The following CUX2 variants were observed in gnomAD, a reference collection of about 807,000 sequenced individuals.
CUX2 encodes the protein cut like homeobox 2.
In CUX2, 40 loss-of-function variants were observed where a neutral mutation model predicts 144.8. That is an observed-to-expected ratio of 0.28 (90% confidence interval 0.21 to 0.36). The LOEUF is 0.36. Ranked by LOEUF, CUX2 falls within the 10% of genes least tolerant of loss-of-function variation. The probability of loss-of-function intolerance (pLI) is 1.00; values close to 1 mark genes in which losing one functional copy is unlikely to be tolerated. For synonymous variants in CUX2, 827 were observed against 875.6 expected, an observed-to-expected ratio of 0.94 and a Z score of 0.98; for missense variants, 1,615 against 1,994.0, an observed-to-expected ratio of 0.81 and a Z score of 3.62.
At chr12:111,062,106 G>A (rs890961527) in intron 1 of CUX2, among the ~76,000 whole-genome samples, 1 of 152,196 alleles carries the variant, frequency 6.6e-6, no homozygotes. Flanking sequence ...TATAGCCGCC[G>A]GCGGGTCTGC....
chr12:111,272,976 G>T (rs1047297031), intron 4 of CUX2, among the ~76,000 whole-genome samples: 3 of 152,188 alleles, frequency 2.0e-5, no homozygotes, highest in Non-Finnish European at 4.4e-5. Flanking sequence ...TTTCAGAAGG[G>T]AGGACAGGCA....
rs1346212478 is a variant in CUX2 at position 111,322,031 on chromosome 12, T to C, written c.2767-390T>C. On this transcript the variant is annotated intron_variant, in intron 17 of 21. Coordinates refer to ENST00000261726, the MANE Select transcript of CUX2 (RefSeq NM_015267.4). The surrounding 1 kb of genome is among the most constrained non-coding windows in gnomAD (Gnocchi z 4.2). ...CTCCAACAGAGGGGAGGGGAGGGGA[T>C]GGGAGGCTGGGCATGGTGGCTCACA... Among the ~76,000 whole-genome samples, 5 of 151,292 alleles carry C rather than the reference T, an allele frequency of 3.3e-5. No individual in the cohort carries two copies. Among genetic ancestry groups the C allele is most frequent in the African/African-American group, 1.2e-4 (5 of 41,168 alleles).
At chr12:111,330,686 CATATATATATATATAT>C (rs57018141) in intron 18 of CUX2, among the ~76,000 whole-genome samples, 127 of 59,290 alleles carry the variant, frequency 2.1e-3, no homozygotes, top group Non-Finnish European at 3.2e-3. Flanking sequence ...AATACATATA[CATATATATATATATAT>C]ATATATATAT....
intron 1 of CUX2, among the ~76,000 whole-genome samples, chr12:111,108,714 C>T (rs1324326363): frequency 8.3e-6 from 1 of 120,044 alleles, no homozygotes; most frequent in Non-Finnish European, 1.5e-5. Context: ...CTTTGCCCCA[C>T]TCTCCTCGCC....
At chr12:111,182,401 G>T (rs1029649883) in intron 1 of CUX2, among the ~76,000 whole-genome samples, 2 of 152,242 alleles carry the variant, frequency 1.3e-5, no homozygotes, top group Admixed American at 6.5e-5. Context: ...CCGGCGGCCA[G>T]CATCCTGGCG....
In CUX2 at chr12:111,222,941, C is replaced by A. The variant is rs868707423; in HGVS notation, c.222+5004C>A. ...ACCTCAACAAGCATTTATTGAATAG[C>A]TGCTGCATACTAGGCAGGGTTCCAG... On this transcript the variant is annotated intron_variant, in intron 3 of 21. Transcript: ENST00000261726. Among the ~76,000 whole-genome samples, 6 of 152,310 alleles carry A rather than the reference C, an allele frequency of 3.9e-5. No individual in the cohort carries two copies. The South Asian group carries it at 1.0e-3, about 26-fold the overall frequency.
chr12:111,330,704 T>TACACAC (rs1342369428), intron 18 of CUX2, among the ~76,000 whole-genome samples: 7 of 18,316 alleles, frequency 3.8e-4, no homozygotes, highest in African/African-American at 1.5e-3. Flanking sequence ...TATATATATA[T>TACACAC]ATATATATAT....
intron 3 of CUX2, among the ~76,000 whole-genome samples, chr12:111,227,478 G>A (rs755884529): frequency 2.0e-5 from 3 of 152,160 alleles, no homozygotes; most frequent in Non-Finnish European, 4.4e-5. Context: ...GAGTAAAGAG[G>A]ATCGTGGTGA....
intron 1 of CUX2, among the ~76,000 whole-genome samples, chr12:111,157,485 A>G (rs1877470183): frequency 6.6e-6 from 1 of 152,152 alleles, no homozygotes; most frequent in Admixed American, 6.5e-5. Context: ...GCTTTAAAAA[A>G]AAAATCACTC....
At chr12:111,125,180 ATTTT>A (rs113174761) in intron 1 of CUX2, among the ~76,000 whole-genome samples, 18 of 141,276 alleles carry the variant, frequency 1.3e-4, no homozygotes, top group African/African-American at 3.7e-4. Flanking sequence ...CTATTCTGGA[ATTTT>A]TTTTTTTTTT....
chr12:111,076,450 G>A (rs1384304028), intron 1 of CUX2, among the ~76,000 whole-genome samples: 1 of 152,242 alleles, frequency 6.6e-6, no homozygotes. Flanking sequence ...GAGGCTGGGA[G>A]ACTCACTTGC....
At chr12:111,175,480 A>G (rs988300770) in intron 1 of CUX2, among the ~76,000 whole-genome samples, 15 of 152,060 alleles carry the variant, frequency 9.9e-5, no homozygotes, top group African/African-American at 3.6e-4. Flanking sequence ...TTACTGGGAA[A>G]TGGTCAAGTG....
intron 3 of CUX2, among the ~76,000 whole-genome samples, chr12:111,262,394 T>TG (rs1321188077): frequency 6.6e-6 from 1 of 151,668 alleles, no homozygotes; most frequent in African/African-American, 2.4e-5. Flanking sequence ...TTTTTTTTTT[T>TG]TTAAGATAGG....
chr12:111,105,758 G>T (rs1027074108), intron 1 of CUX2, among the ~76,000 whole-genome samples: 1 of 152,132 alleles, frequency 6.6e-6, no homozygotes, highest in African/African-American at 2.4e-5. Context: ...TGTAAAGTGG[G>T]TGAACAGTAA....
intron 1 of CUX2, among the ~76,000 whole-genome samples, chr12:111,080,978 G>A (rs1170462822): frequency 6.6e-6 from 1 of 152,226 alleles, no homozygotes; most frequent in Non-Finnish European, 1.5e-5. Flanking sequence ...TGTGAAGTCA[G>A]TGCTGTAACT....
intron 1 of CUX2, among the ~76,000 whole-genome samples, chr12:111,189,417 G>T (rs1471919572): frequency 6.6e-6 from 1 of 152,232 alleles, no homozygotes; most frequent in African/African-American, 2.4e-5. Context: ...GCCAGTTTCT[G>T]TTTCTTACGT....
At chr12:111,284,820 C>A (rs1885293991) in intron 4 of CUX2, among the ~76,000 whole-genome samples, 1 of 152,208 alleles carries the variant, frequency 6.6e-6, no homozygotes, top group Admixed American at 6.5e-5. Context: ...CTTCGCCAAC[C>A]TCTCATTGTC....
chr12:111,038,420 G>A (rs912450276), intron 1 of CUX2, among the ~76,000 whole-genome samples: 2 of 152,210 alleles, frequency 1.3e-5, no homozygotes, highest in African/African-American at 4.8e-5. Flanking sequence ...GGTGGGGAGC[G>A]TGAGCCCGCA....
At chr12:111,158,901 T>A (rs1877563363) in intron 1 of CUX2, among the ~76,000 whole-genome samples, 1 of 152,162 alleles carries the variant, frequency 6.6e-6, no homozygotes, top group Non-Finnish European at 1.5e-5. Flanking sequence ...ACAGCAGCAG[T>A]GTGGCCTTGG....
Sources: allele counts gnomAD v4.1 joint callset (sites outside exome capture counted in the v4.1 genomes callset), GRCh38; gene constraint gnomAD v4.1.1; non-coding constraint Gnocchi (gnomAD v3.1); transcripts MANE v1.5; gene names NCBI Gene and HGNC (gene_info 2026-07-23, HGNC 2026-07-21).